The following TNFSF4 variants were observed in gnomAD, a reference collection of about 807,000 sequenced individuals.
The protein encoded by TNFSF4 is TNF superfamily member 4, also known as tumor necrosis factor ligand superfamily member 4.
Under a neutral mutation model 7.3 loss-of-function variants are expected in TNFSF4, and 4 were observed. The observed-to-expected ratio is 0.55, with a 90% CI of 0.27 to 1.25. TNFSF4 has a LOEUF of 1.25. TNFSF4 is among the 50% of genes most tolerant of loss of function. The pLI, the probability that TNFSF4 is intolerant of heterozygous loss-of-function variation, is 0.12. For missense variants in TNFSF4, 181 were observed against 208.8 expected (o/e 0.87, Z 0.82); for synonymous variants, 76 against 83.7 (o/e 0.91, Z 0.50).
At chr1:173,250,760 C>G in the TNFSF4 span, among the ~76,000 whole-genome samples, 1 of 152,042 alleles carries the variant, frequency 6.6e-6, no homozygotes, top group South Asian at 2.1e-4. Context: ...CGCCCGGCCT[C>G]TCCAGTTTCT....
At chr1:173,244,662 A>G in the TNFSF4 span, among the ~76,000 whole-genome samples, 1 of 150,988 alleles carries the variant, frequency 6.6e-6, no homozygotes, top group African/African-American at 2.5e-5. Flanking sequence ...AAAAAACAAA[A>G]AAAACAAAAA....
At chr1:173,210,383 G>A (rs1331195827), upstream of TNFSF4, among the ~76,000 whole-genome samples, 3 of 152,150 alleles carry the variant, frequency 2.0e-5, no homozygotes, top group African/African-American at 7.2e-5. Flanking sequence ...GGAGAAACGA[G>A]AAGCAGTCTG....
At chr1:173,407,038 T>G in the TNFSF4 span, among the ~76,000 whole-genome samples, 1 of 151,812 alleles carries the variant, frequency 6.6e-6, no homozygotes, top group East Asian at 1.9e-4. Context: ...ATGAGAAGGG[T>G]GACTGCCTCA....
the TNFSF4 span, among the ~76,000 whole-genome samples, chr1:173,243,999 T>G: frequency 2.0e-5 from 3 of 152,216 alleles, no homozygotes; most frequent in Non-Finnish European, 4.4e-5. Context: ...AATTTCCAAG[T>G]TCACTAAGCT....
Position 173,186,341 on chromosome 1 carries a change from A to G in TNFSF4, c.*175T>C. ...TAAATAAGATTAACTGGTATATAAAATAAGTTTTAAATATCCCTGAGGGGT... is the reference window on the plus strand; with the variant it reads ...TAAATAAGATTAACTGGTATATAAAGTAAGTTTTAAATATCCCTGAGGGGT... On this transcript the variant is annotated 3_prime_UTR_variant, in exon 3 of 3. Transcript: ENST00000281834. 1.8e-6 allele frequency: 1 copy of G among 563,128 alleles called. No individual in the cohort carries two copies. Among genetic ancestry groups the G allele is most frequent in the Admixed American group, 3.2e-5 (1 of 31,498 alleles). 34.9% of individuals were successfully genotyped at this position (563,128 alleles called of 1,614,324 possible). A position where few individuals can be genotyped will look rare whatever the true frequency, so the allele number is the denominator to read the frequency against.
At chr1:173,401,259 T>C in the TNFSF4 span, among the ~76,000 whole-genome samples, 1 of 152,288 alleles carries the variant, frequency 6.6e-6, no homozygotes, top group Admixed American at 6.5e-5. Context: ...TATGAACTTG[T>C]TATCATCTTT....
At chr1:173,423,109 AATT>A in the TNFSF4 span, among the ~76,000 whole-genome samples, 1 of 151,960 alleles carries the variant, frequency 6.6e-6, no homozygotes, top group East Asian at 1.9e-4. Context: ...GTTATATCTT[AATT>A]AAGTTATTAA....
the TNFSF4 span, among the ~76,000 whole-genome samples, chr1:173,337,728 CT>C: frequency 1.3e-5 from 2 of 152,146 alleles, no homozygotes; most frequent in Non-Finnish European, 2.9e-5. Context: ...AATGGCCAGA[CT>C]TGTGATTATA....
At chr1:173,290,476 T>C in the TNFSF4 span, among the ~76,000 whole-genome samples, 150,910 of 152,300 alleles carry the variant, frequency 0.99, 74,774 homozygotes, top group East Asian at 1. Context: ...AAATCAAAAA[T>C]AATAAAAAAC....
chr1:173,281,141 T>G, the TNFSF4 span, among the ~76,000 whole-genome samples: 6 of 152,046 alleles, frequency 3.9e-5, no homozygotes, highest in Admixed American at 6.6e-5. Context: ...TGCGCATTGT[T>G]AGAACAGTTT....
chr1:173,212,820 G>A, the TNFSF4 span, among the ~76,000 whole-genome samples: 2 of 151,370 alleles, frequency 1.3e-5, no homozygotes, highest in South Asian at 2.1e-4. Flanking sequence ...TACCTACTAT[G>A]TATTCACAAT....
At chr1:173,360,554 C>A in the TNFSF4 span, among the ~76,000 whole-genome samples, 1 of 152,198 alleles carries the variant, frequency 6.6e-6, no homozygotes, top group East Asian at 1.9e-4. Context: ...AAGATCCAAC[C>A]AGCTTGTTGC....
the TNFSF4 span, among the ~76,000 whole-genome samples, chr1:173,311,927 T>C: frequency 6.6e-6 from 1 of 152,154 alleles, no homozygotes; most frequent in Non-Finnish European, 1.5e-5. Context: ...CTTTAGAAAT[T>C]ATAATAGGCA....
chr1:173,217,158 T>C, the TNFSF4 span, among the ~76,000 whole-genome samples: 1 of 152,222 alleles, frequency 6.6e-6, no homozygotes, highest in East Asian at 1.9e-4. Context: ...TATGCATGTA[T>C]GTGCTTGTCT....
the TNFSF4 span, among the ~76,000 whole-genome samples, chr1:173,344,747 G>A: frequency 0.1 from 15,411 of 152,164 alleles, 915 homozygotes; most frequent in East Asian, 0.27. Context: ...AGTTCATTAC[G>A]AGAGGACAAG....
At chr1:173,312,103 T>C in the TNFSF4 span, among the ~76,000 whole-genome samples, 1 of 152,116 alleles carries the variant, frequency 6.6e-6, no homozygotes, top group Non-Finnish European at 1.5e-5. Context: ...ATATCCATGA[T>C]GATTTTCTTA....
chr1:173,208,288 G>T (rs887253313), upstream of TNFSF4, among the ~76,000 whole-genome samples: 1 of 152,156 alleles, frequency 6.6e-6, no homozygotes, highest in Non-Finnish European at 1.5e-5. Flanking sequence ...GGATGCTGGG[G>T]AAAAGCTGTT....
At chr1:173,261,844 A>G in the TNFSF4 span, among the ~76,000 whole-genome samples, 1 of 144,936 alleles carries the variant, frequency 6.9e-6, no homozygotes, top group East Asian at 2.0e-4. Context: ...TAAATAACCT[A>G]CCAACCAAAA....
At chr1:173,382,151 C>T in the TNFSF4 span, among the ~76,000 whole-genome samples, 6,932 of 152,204 alleles carry the variant, frequency 0.046, 547 homozygotes, top group African/African-American at 0.16. Context: ...ACACTCACTG[C>T]GAAGGTCTGC....
Sources: gnomAD v4.1 joint callset for allele counts (sites outside exome capture counted in the v4.1 genomes callset) on GRCh38, gnomAD v4.1.1 for gene constraint, MANE v1.5 for transcripts, NCBI Gene and HGNC (gene_info 2026-07-23, HGNC 2026-07-21) for gene names.